CRYGS: variants seen among roughly 807,000 people sequenced by gnomAD.
CRYGS encodes the protein crystallin gamma S.
In CRYGS, 13 loss-of-function variants were observed where a neutral mutation model predicts 21.3. The observed-to-expected ratio is 0.61, with a 90% CI of 0.40 to 0.97. CRYGS has a LOEUF of 0.97. Ranked by LOEUF, CRYGS falls within the 50% of genes least tolerant of loss-of-function variation. CRYGS has a pLI of 0.00. For synonymous variants in CRYGS, 67 were observed against 75.0 expected, an observed-to-expected ratio of 0.89 and a Z score of 0.55; for missense variants, 205 against 229.7, an observed-to-expected ratio of 0.89 and a Z score of 0.69.
rs927020692 is a variant in CRYGS, at chr3:186,540,726, G to A, written c.22-1129C>T. On this transcript the variant is annotated intron_variant, in intron 1 of 2. Coordinates refer to ENST00000307944, the MANE Select transcript of CRYGS (RefSeq NM_017541.4). ...GATTTACTTTATGGATTTCACGGGC[G>A]AAAACTATGTGAGTCATTTCAGATG... 3.8e-5 allele frequency: 37 copies of A among 978,198 alleles called. 1 individual carries two copies. The highest frequency in any genetic ancestry group is 2.3e-4 in the African/African-American group (13 of 57,004). The allele number at this position is 978,198 out of a possible 1,614,324, so 60.6% of individuals were successfully genotyped here.
At chr3:186,542,256 T>C (rs996986407) in intron 1 of CRYGS, among the ~76,000 whole-genome samples, 1 of 152,198 alleles carries the variant, frequency 6.6e-6, no homozygotes, top group Non-Finnish European at 1.5e-5. Flanking sequence ...ATGGAATCAT[T>C]ACTGAGCTCC....
intron 1 of CRYGS, among the ~76,000 whole-genome samples, chr3:186,541,703 C>A (rs1023960927): frequency 6.6e-6 from 1 of 152,212 alleles, no homozygotes; most frequent in Non-Finnish European, 1.5e-5. Context: ...AAGTGATTGG[C>A]CTAATGTCAC....
At chr3:186,542,772 A>G (rs945811898) in intron 1 of CRYGS, among the ~76,000 whole-genome samples, 1 of 152,228 alleles carries the variant, frequency 6.6e-6, no homozygotes, top group East Asian at 1.9e-4. Context: ...GCAAATCTTT[A>G]AAAGCAGATG....
At chr3:186,541,809 T>C (rs1446871201) in intron 1 of CRYGS, among the ~76,000 whole-genome samples, 1 of 152,220 alleles carries the variant, frequency 6.6e-6, no homozygotes, top group Non-Finnish European at 1.5e-5. Context: ...CTTTGCTGTC[T>C]TTCTGCCTGC....
intron 1 of CRYGS, 172 bp from the exon 2 acceptor site, chr3:186,539,769 G>A: frequency 1.4e-6 from 1 of 708,068 alleles, no homozygotes; most frequent in South Asian, 1.9e-5. Context: ...AACTTCAGTT[G>A]TCAACAACAG....
intron 1 of CRYGS, among the ~76,000 whole-genome samples, chr3:186,540,985 T>C (rs1301925674): frequency 6.6e-6 from 1 of 152,192 alleles, no homozygotes; most frequent in Non-Finnish European, 1.5e-5. Flanking sequence ...CATGCTGGAA[T>C]CCCTTTGGTG....
intron 1 of CRYGS, among the ~76,000 whole-genome samples, chr3:186,544,086 T>G (rs923416076): frequency 1.3e-5 from 2 of 152,202 alleles, no homozygotes; most frequent in African/African-American, 4.8e-5. Context: ...TGTATAGTAT[T>G]TAACATAGCA....
rs776271006 is a variant in CRYGS, at chr3:186,539,394, G to T, written c.225C>A (p.Gly75=). ...TGCAGGAGCTGAGGCGGTCGTTGAG[G>T]CCCATCCAACGCTGGTATTCAGGGT... ...GEYPEYQRWM[G]LNDRLSSCRA... The change falls in exon 2 of 3, where the codon GGC becomes GGA. Residue 75 remains glycine (G), a synonymous_variant. Transcript: ENST00000307944. 1.9e-6 allele frequency: 3 copies of T among 1,612,068 alleles called. No individual in the cohort carries two copies. The highest frequency in any genetic ancestry group is 1.7e-5 in the Admixed American group (1 of 59,998).
At position 186,539,375 on chromosome 3, in the gene CRYGS, A is replaced by C; in HGVS notation, c.244T>G (p.Ser82Ala). 1 of 1,612,242 alleles carries C rather than the reference A, an allele frequency of 6.2e-7. No homozygotes were observed. Among genetic ancestry groups the C allele is most frequent in the Non-Finnish European group, 8.5e-7 (1 of 1,180,010 alleles). Residue 82 changes from serine to alanine, a missense_variant, in exon 2 of 3, where the codon TCC becomes GCC. Physicochemically the swap from Ser to Ala is moderately conservative, Grantham distance 99. Transcript: ENST00000307944. ...CTCACCAGATGAACAGCTCTGCAGG[A>C]GCTGAGGCGGTCGTTGAGGCCCATC... ...RWMGLNDRLS[S>A]CRAVHLPSGG...
At chr3:186,541,500 T>G (rs995265840) in intron 1 of CRYGS, among the ~76,000 whole-genome samples, 1 of 152,218 alleles carries the variant, frequency 6.6e-6, no homozygotes, top group African/African-American at 2.4e-5. Context: ...ATACTACTGC[T>G]TTCTTGCTAC....
Position 186,541,510 on chromosome 3 carries a change from C to T in CRYGS, c.22-1913G>A, listed in dbSNP as rs555938196. ...TCTCAATACTACTGCTTTCTTGCTA[C>T]GTGACCTTGGACAGGGCAATGAACC... On this transcript the variant is annotated intron_variant, in intron 1 of 2. Coordinates refer to ENST00000307944, the MANE Select transcript of CRYGS (RefSeq NM_017541.4). Among the ~76,000 whole-genome samples, 6 of 152,302 alleles carry T rather than the reference C, an allele frequency of 3.9e-5. No individual in the cohort carries two copies. In the South Asian group the frequency reaches 6.2e-4, roughly 16 times the overall value.
At position 186,538,934 on chromosome 3, in the gene CRYGS, T is replaced by G. The variant is rs375632598; in HGVS notation, c.299A>C (p.Glu100Ala). ...CATCTGACCACTAAAATCCCCTTTC[T>G]CAAAGATCTGAATCTTATACTGGCC... Reference protein sequence around the residue: ...SGGQYKIQIFEKGDFSGQMYE... With the variant: ...SGGQYKIQIFAKGDFSGQMYE... Residue 100 changes from glutamate (E) to alanine (A), a missense_variant, in exon 3 of 3, where the codon GAG (glutamate) becomes GCG (alanine). Physicochemically the swap from Glu to Ala is moderately radical, Grantham distance 107. Coordinates refer to ENST00000307944, the MANE Select transcript of CRYGS (RefSeq NM_017541.4). 19 of 1,614,054 alleles carry G rather than the reference T, an allele frequency of 1.2e-5. No homozygotes were observed. The highest frequency in any genetic ancestry group is 8.9e-5 in the East Asian group (4 of 44,868).
At chr3:186,539,801 T>C in intron 1 of CRYGS, 1 of 580,182 alleles carries the variant, frequency 1.7e-6, no homozygotes, top group Non-Finnish European at 3.0e-6. Context: ...TCCTGAAGGC[T>C]GAACATGAAG....
rs1714117066 is a variant in CRYGS at position 186,543,577 on chromosome 3, T to C, written c.21+729A>G. ...ACAACTGGAGAATATAAGTGAAAGATATACAAATATTCATTCAACATTTCT... is the reference window on the plus strand; with the variant it reads ...ACAACTGGAGAATATAAGTGAAAGACATACAAATATTCATTCAACATTTCT... On this transcript the variant is annotated intron_variant, in intron 1 of 2. Coordinates refer to ENST00000307944, the MANE Select transcript of CRYGS (RefSeq NM_017541.4). 1.3e-5 allele frequency among the ~76,000 whole-genome samples: 2 copies of C among 152,192 alleles called. 1 individual carries two copies. Among genetic ancestry groups the C allele is most frequent in the Non-Finnish European group, 2.9e-5 (2 of 68,012 alleles).
Position 186,538,610 on chromosome 3 carries a change from CCAACTGTTTTA to C in CRYGS, c.*75_*85del. 6.4e-7 allele frequency: 1 copy of C among 1,562,198 alleles called. No homozygotes were observed. Among genetic ancestry groups the C allele is most frequent in the South Asian group, 1.1e-5 (1 of 89,354 alleles). Reference sequence around the variant, plus strand: ...ATTATAGTCAGCAGTGGGATGCATGCCAACTGTTTTATTGATGATGCCTATTTGGACCACAA... The same window carrying C: ...ATTATAGTCAGCAGTGGGATGCATGCTTGATGATGCCTATTTGGACCACAA... On this transcript the variant is annotated 3_prime_UTR_variant, in exon 3 of 3. Transcript: ENST00000307944.
chr3:186,541,683 T>C (rs1714071380), intron 1 of CRYGS, among the ~76,000 whole-genome samples: 1 of 152,206 alleles, frequency 6.6e-6, no homozygotes, highest in African/African-American at 2.4e-5. Context: ...TTTTTACAGA[T>C]GAAGAAGTTA....
chr3:186,539,307 G>A (rs753571891), intron 2 of CRYGS, 48 bp downstream of exon 2: 46 of 1,610,912 alleles, frequency 2.9e-5, no homozygotes, highest in Non-Finnish European at 3.7e-5. Flanking sequence ...AAGAGAAAGC[G>A]GACAGAGGGC....
chr3:186,540,974 T>C, intron 1 of CRYGS, among the ~76,000 whole-genome samples: 1 of 152,160 alleles, frequency 6.6e-6, no homozygotes, highest in South Asian at 2.1e-4. Flanking sequence ...GACACCAGAA[T>C]CATGCTGGAA....
intron 1 of CRYGS, chr3:186,540,448 A>G (rs1714038086): frequency 6.6e-6 from 1 of 152,224 alleles, no homozygotes; most frequent in Non-Finnish European, 1.5e-5. Context: ...CAACTCTCAG[A>G]GCTTTTCTGG....
Sources: allele counts gnomAD v4.1 joint callset (sites outside exome capture counted in the v4.1 genomes callset), GRCh38; gene constraint gnomAD v4.1.1; transcripts MANE v1.5; gene names NCBI Gene and HGNC (gene_info 2026-07-23, HGNC 2026-07-21).